Variants in TGFBRAP1 observed in about 807,000 individuals in gnomAD.
TGFBRAP1 encodes the protein transforming growth factor beta receptor associated protein 1, also known as transforming growth factor-beta receptor-associated protein 1.
A neutral mutation model predicts 83.2 loss-of-function variants in TGFBRAP1; 20 were observed. The ratio of observed to expected loss-of-function variants is 0.24; its 90% CI spans 0.17 to 0.35. The LOEUF (loss-of-function observed/expected upper bound fraction) is 0.35. Among genes scored for constraint, TGFBRAP1 ranks in the 10% least tolerant of loss-of-function variants. The pLI is 1.00. For missense variants in TGFBRAP1, 950 were observed against 1,099.4 expected, an observed-to-expected ratio of 0.86 and a Z score of 1.92; for synonymous variants, 415 against 459.8, an observed-to-expected ratio of 0.90 and a Z score of 1.25.
At position 105,328,619 on chromosome 2, in the gene TGFBRAP1, C is replaced by G. The variant is rs146300306; in HGVS notation, c.-18+1006G>C. On this transcript the variant is annotated intron_variant, in intron 1 of 11. Transcript: ENST00000393359. The stretch of plus-strand genomic sequence containing the variant: ...CACACACAACGCAGTAGGATCTTCC[C>G]TGCACACCTTCTCAGTGCCTTAACT... Among the ~76,000 whole-genome samples, 963 of 152,330 alleles carry G rather than the reference C, an allele frequency of 6.3e-3. 10 individuals are homozygous for G. Among genetic ancestry groups the G allele is most frequent in the Admixed American group, 0.014 (209 of 15,300 alleles).
chr2:105,255,508 A>C, the TGFBRAP1 span, among the ~76,000 whole-genome samples: 1 of 152,150 alleles, frequency 6.6e-6, no homozygotes, highest in Non-Finnish European at 1.5e-5. Context: ...TTTTGTAAAG[A>C]TGAGGTCTCA....
chr2:105,267,085 C>A lies in TGFBRAP1; in HGVS notation c.*298G>T. Reference sequence around the variant, plus strand: ...AGGAAGACTCCCTTTTTTTTTTTTTCAAAGTAGACCTCTGTCTTGGATTAC... The same window carrying A: ...AGGAAGACTCCCTTTTTTTTTTTTTAAAAGTAGACCTCTGTCTTGGATTAC... On this transcript the variant is annotated 3_prime_UTR_variant, in exon 12 of 12. Transcript: ENST00000393359. 4.9e-4 allele frequency: 88 copies of A among 180,812 alleles called. No homozygotes were observed. The highest frequency in any genetic ancestry group is 1.5e-3 in the East Asian group (11 of 7,422). 11.2% of individuals were successfully genotyped at this position (180,812 alleles called of 1,614,324 possible).
intron 7 of TGFBRAP1, among the ~76,000 whole-genome samples, chr2:105,276,774 AT>A (rs1405918120): frequency 1.3e-5 from 2 of 152,160 alleles, no homozygotes; most frequent in African/African-American, 4.8e-5. Context: ...ACCCAACTCC[AT>A]TTTTTGTTGT....
the TGFBRAP1 span, among the ~76,000 whole-genome samples, chr2:105,258,482 T>C: frequency 6.6e-6 from 1 of 151,926 alleles, no homozygotes; most frequent in African/African-American, 2.4e-5. Flanking sequence ...TTTTTTTTTT[T>C]CTTAACTTGG....
the TGFBRAP1 span, among the ~76,000 whole-genome samples, chr2:105,252,413 A>G: frequency 6.6e-6 from 1 of 152,230 alleles, no homozygotes; most frequent in Non-Finnish European, 1.5e-5. Flanking sequence ...CTTGGGGAGC[A>G]GCCAGTCTAG....
intron 4 of TGFBRAP1, among the ~76,000 whole-genome samples, chr2:105,290,867 G>A (rs544260658): frequency 5.0e-4 from 76 of 152,126 alleles, no homozygotes; most frequent in African/African-American, 1.7e-3. Flanking sequence ...TTAGCCAGGT[G>A]TCATGGCACG....
chr2:105,261,487 C>G (rs1573528181), downstream of TGFBRAP1, among the ~76,000 whole-genome samples: 1 of 152,154 alleles, frequency 6.6e-6, no homozygotes, highest in Non-Finnish European at 1.5e-5. Flanking sequence ...CACAGTGGCT[C>G]AAGCCTGTAA....
At chr2:105,315,076 T>C (rs1055999258) in intron 1 of TGFBRAP1, among the ~76,000 whole-genome samples, 2 of 152,238 alleles carry the variant, frequency 1.3e-5, no homozygotes, top group East Asian at 3.9e-4. Context: ...ATAGTTTAAT[T>C]TTTTTAAAAA....
rs1033506590 is a variant in TGFBRAP1 at position 105,269,277 on chromosome 2, C to T, written c.2401G>A (p.Asp801Asn). ...ARSENLIYTY[D>N]KMKLKGSSIQ... ...TCGTGGGGGCCAGCACTTACCTTAT[C>T]GTAGGTGTAGATTAAGTTTTCGGAC... The change falls in exon 11 of 12, where the codon GAT becomes AAT. Residue 801 changes from aspartate to asparagine, a missense_variant. By Grantham distance (23) the Asp-to-Asn change is conservative. Transcript: ENST00000393359. This position sits in a 1 kb window ranked among gnomAD's most constrained non-coding sequence, Gnocchi z 4.1. 1.9e-6 allele frequency: 3 copies of T among 1,598,664 alleles called. No individual in the cohort carries two copies. The highest frequency in any genetic ancestry group is 2.6e-6 in the Non-Finnish European group (3 of 1,168,298).
At chr2:105,260,179 C>T (rs146212972), downstream of TGFBRAP1, among the ~76,000 whole-genome samples, 303 of 152,100 alleles carry the variant, frequency 2.0e-3, 1 homozygote, top group African/African-American at 6.9e-3. Context: ...GAGGCTGAGG[C>T]GGGCAGATCA....
intron 1 of TGFBRAP1, among the ~76,000 whole-genome samples, chr2:105,312,980 C>G (rs1678741127): frequency 1.3e-5 from 2 of 152,168 alleles, no homozygotes; most frequent in Non-Finnish European, 2.9e-5. Context: ...GGCGTGATGG[C>G]ACATGCCTGT....
Position 105,280,503 on chromosome 2 carries a change from T to C in TGFBRAP1, c.1342A>G (p.Ile448Val), listed in dbSNP as rs777471005. The C allele has an allele frequency of 5.0e-6, 8 of 1,614,196 alleles. No homozygotes were observed. Among genetic ancestry groups the C allele is most frequent in the South Asian group, 3.3e-5 (3 of 91,082 alleles). ...TEVANGYKED[I>V]DTALLKLYAE... Reference sequence around the variant, plus strand: ...TACAGTTTGAGCAAGGCTGTGTCGATGTCCTCCTTGTAGCCATTTGCTACC... The same window carrying C: ...TACAGTTTGAGCAAGGCTGTGTCGACGTCCTCCTTGTAGCCATTTGCTACC... Residue 448 changes from isoleucine (I) to valine (V), a missense_variant, in exon 6 of 12, where the codon ATC becomes GTC. Physicochemically the swap from Ile to Val is conservative, Grantham distance 29 (BLOSUM62 3). Transcript: ENST00000393359.
chr2:105,275,935 T>C (rs1447731097), intron 7 of TGFBRAP1, among the ~76,000 whole-genome samples: 5 of 152,186 alleles, frequency 3.3e-5, no homozygotes, highest in African/African-American at 1.2e-4. Flanking sequence ...TCTAGGTTCT[T>C]TTATCTTTCT....
chr2:105,301,905 T>C (rs919522561), intron 2 of TGFBRAP1, among the ~76,000 whole-genome samples: 1 of 149,566 alleles, frequency 6.7e-6, no homozygotes, highest in Non-Finnish European at 1.5e-5. Context: ...CCTGGTGAGA[T>C]CATATCGAAA....
Position 105,284,369 on chromosome 2 carries a change from C to T in TGFBRAP1, c.1068G>A (p.Ala356=), listed in dbSNP as rs1434357419. Reference sequence around the variant, plus strand: ...GAAGTTGTGCAAACTGTATAAATCCCGCCTGCTGCAGAATCCTTCTGTACA... The same window carrying T: ...GAAGTTGTGCAAACTGTATAAATCCTGCCTGCTGCAGAATCCTTCTGTACA... The part of the protein sequence containing the change: ...QVMYRRILQQ[A]GFIQFAQLQF... Residue 356 remains alanine, a synonymous_variant, in exon 5 of 12, where the codon GCG becomes GCA. Transcript: ENST00000393359. 3.7e-6 allele frequency: 6 copies of T among 1,614,030 alleles called. No homozygotes were observed. The highest frequency in any genetic ancestry group is 5.1e-6 in the Non-Finnish European group (6 of 1,179,958).
At chr2:105,329,159 A>G (rs1679299550) in intron 1 of TGFBRAP1, among the ~76,000 whole-genome samples, 1 of 151,870 alleles carries the variant, frequency 6.6e-6, no homozygotes, top group African/African-American at 2.4e-5. Context: ...GCTCCCAGAA[A>G]CCTCAATCAC....
At chr2:105,317,329 C>T (rs575256840) in intron 1 of TGFBRAP1, among the ~76,000 whole-genome samples, 12 of 151,812 alleles carry the variant, frequency 7.9e-5, no homozygotes, top group African/African-American at 2.2e-4. Flanking sequence ...CCCAGCTACT[C>T]GGGAGGCTAA....
In TGFBRAP1 at chr2:105,296,515, G is replaced by A; in HGVS notation, c.884-5C>T. On this transcript the variant is annotated splice_region_variant and splice_polypyrimidine_tract_variant and intron_variant, in intron 3 of 11. Transcript: ENST00000393359. The stretch of plus-strand genomic sequence containing the variant: ...TTGTGGCAACGATCACTCTTCCTGT[G>A]AAGAAATTCAGCATTGTTGGAAAGA... The A allele has an allele frequency of 1.2e-6, 2 of 1,600,268 alleles. No homozygotes were observed. Among genetic ancestry groups the A allele is most frequent in the South Asian group, 2.3e-5 (2 of 88,390 alleles).
At chr2:105,319,098 T>C (rs543069254) in intron 1 of TGFBRAP1, among the ~76,000 whole-genome samples, 37 of 152,186 alleles carry the variant, frequency 2.4e-4, no homozygotes, top group Non-Finnish European at 4.6e-4. Flanking sequence ...TCTCACTCCA[T>C]CACATAGGCT....
Sources: gnomAD v4.1 joint callset for allele counts (sites outside exome capture counted in the v4.1 genomes callset) on GRCh38, gnomAD v4.1.1 for gene constraint, Gnocchi (gnomAD v3.1) non-coding constraint, MANE v1.5 for transcripts, NCBI Gene and HGNC (gene_info 2026-07-23, HGNC 2026-07-21) for gene names.